FMO2: variants seen among roughly 807,000 people sequenced by gnomAD.
The protein encoded by FMO2 is flavin-containing monooxygenase 2.
Under a neutral mutation model 41.6 loss-of-function variants are expected in FMO2, and 33 were observed. The observed-to-expected ratio is 0.79, with a 90% CI of 0.60 to 1.06. The LOEUF (loss-of-function observed/expected upper bound fraction) is 1.06. Ranked by LOEUF, FMO2 falls within the 50% of genes least tolerant of loss-of-function variation. FMO2 has a pLI of 0.00. For missense variants in FMO2, 619 were observed against 632.9 expected, an observed-to-expected ratio of 0.98 and a Z score of 0.23; for synonymous variants, 214 against 219.6, an observed-to-expected ratio of 0.97 and a Z score of 0.23.
chr1:171,189,450 A>G (rs1328021792), intron 2 of FMO2, among the ~76,000 whole-genome samples: 1 of 152,004 alleles, frequency 6.6e-6, no homozygotes, highest in Non-Finnish European at 1.5e-5. Context: ...AAAGCAGCAG[A>G]AAAAAAGTGG....
Position 171,204,055 on chromosome 1 carries a change from C to G in FMO2, c.818C>G (p.Pro273Arg), listed in dbSNP as rs1010257532. The change falls in exon 6 of 9, where the codon CCT (proline) becomes CGT (arginine). Residue 273 changes from proline (P) to arginine (R), a missense_variant. Physicochemically the swap from Pro to Arg is moderately radical, Grantham distance 103 (BLOSUM62 -2). Transcript: ENST00000209929. ...AACCATGAAAATTATGGCCTTGAGC[C>G]TCAAAACAAGTAGAGTTATTTTGCT... ...WFNHENYGLE[P>R]QNKYIMKEPV... The G allele has an allele frequency of 7.4e-6, 12 of 1,613,158 alleles. No homozygotes were observed. The highest frequency in any genetic ancestry group is 3.3e-4 in the Middle Eastern group (2 of 6,046).
rs1202497752 is a variant in FMO2 at position 171,208,927 on chromosome 1, T to A, written c.1390T>A (p.Tyr464Asn). ...FKDPKLAVRL[Y>N]FGPCNSYQYR... ...AGATCCTAAACTGGCTGTGAGACTC[T>A]ATTTCGGACCCTGCAACTCCTATCA... Residue 464 changes from tyrosine (Y) to asparagine (N), a missense_variant, in exon 9 of 9, where the codon TAT (tyrosine) becomes AAT (asparagine). Tyr to Asn is a moderately radical substitution (Grantham distance 143). Transcript: ENST00000209929. 3.1e-6 allele frequency: 5 copies of A among 1,613,856 alleles called. No homozygotes were observed. The highest frequency in any genetic ancestry group is 3.4e-6 in the Non-Finnish European group (4 of 1,179,892).
intron 2 of FMO2, among the ~76,000 whole-genome samples, chr1:171,192,977 A>G (rs907047581): frequency 1.3e-5 from 2 of 152,166 alleles, no homozygotes; most frequent in Non-Finnish European, 2.9e-5. Context: ...GGGTATATAC[A>G]GCCTCCCCAA....
At chr1:171,186,397 T>C (rs1197763643) in intron 2 of FMO2, 2 of 152,440 alleles carry the variant, frequency 1.3e-5, no homozygotes, top group East Asian at 3.8e-4. Context: ...TATTAGTCCA[T>C]TCTCATGCTG....
rs199536748 is a variant in FMO2, at chr1:171,189,654, C to CTTTTTTTTTTTTTTTTT, written c.133-3677_133-3676insTTTTTTTTTTTTTTTTT. On this transcript the variant is annotated intron_variant, in intron 2 of 8. Transcript: ENST00000209929. ...ACAGAAATCTGAGCCCGTCTTTTTT[C>CTTTTTTTTTTTTTTTTT]TTTTCTTTTTTTTTTTTTTTTTGAG... 3.9e-4 allele frequency among the ~76,000 whole-genome samples: 48 copies of CTTTTTTTTTTTTTTTTT among 122,760 alleles called. 4 individuals carry two copies. Among genetic ancestry groups the CTTTTTTTTTTTTTTTTT allele is most frequent in the East Asian group, 1.3e-3 (5 of 3,948 alleles). 80.5% of individuals were successfully genotyped at this position (122,760 alleles called of 152,430 possible). A position where few individuals can be genotyped will look rare whatever the true frequency, so the allele number is the denominator to read the frequency against.
At chr1:171,186,518 AAG>A (rs1408626475) in intron 2 of FMO2, among the ~76,000 whole-genome samples, 3 of 152,280 alleles carry the variant, frequency 2.0e-5, no homozygotes, top group East Asian at 3.9e-4. Flanking sequence ...GGCAGTGGGA[AAG>A]AGAGGTGCTG....
intron 4 of FMO2, among the ~76,000 whole-genome samples, chr1:171,199,012 C>A (rs114967820): frequency 1.2e-3 from 179 of 152,216 alleles, no homozygotes; most frequent in African/African-American, 4.2e-3. Flanking sequence ...AAGCAATCTT[C>A]CCACCTCAGT....
At chr1:171,207,871 C>A in intron 8 of FMO2, 81 bp downstream of exon 8, 2 of 911,038 alleles carry the variant, frequency 2.2e-6, no homozygotes, top group Non-Finnish European at 3.5e-6. Context: ...AACCACCTAG[C>A]TGCCTGATAA....
intron 4 of FMO2, 51 bp from the exon 5 acceptor site, chr1:171,199,295 T>C: frequency 1.3e-6 from 2 of 1,486,384 alleles, no homozygotes; most frequent in East Asian, 2.4e-5. Flanking sequence ...TGAAATTAGC[T>C]TGACATAGTT....
intron 7 of FMO2, among the ~76,000 whole-genome samples, chr1:171,207,387 T>C (rs1248689250): frequency 1.3e-5 from 2 of 152,184 alleles, no homozygotes; most frequent in African/African-American, 4.8e-5. Flanking sequence ...TCATTCAGAA[T>C]ACTCTTCCAC....
At chr1:171,207,663 C>A (rs1334065656) in intron 7 of FMO2, 55 bp from the exon 8 acceptor site, 12 of 1,151,564 alleles carry the variant, frequency 1.0e-5, no homozygotes, top group Non-Finnish European at 1.6e-5. Flanking sequence ...AACAACTAGA[C>A]AAAGTAATGA....
intron 2 of FMO2, among the ~76,000 whole-genome samples, chr1:171,187,080 A>G (rs1264830118): frequency 6.6e-6 from 1 of 152,274 alleles, no homozygotes; most frequent in Non-Finnish European, 1.5e-5. Context: ...TGAGATGGCC[A>G]GGGCCACACA....
Position 171,205,485 on chromosome 1 carries a change from T to G in FMO2, c.1034T>G (p.Val345Gly). Residue 345 changes from valine (V) to glycine (G), a missense_variant, in exon 7 of 9, where the codon GTA becomes GGA. Transcript: ENST00000209929. ...FPFLEDSLVK[V>G]ENNMVSLYKY... ...TTCCTTGAAGATTCACTCGTTAAAG[T>G]AGAGAATAATATGGTCTCACTGTAT... The G allele has an allele frequency of 6.2e-7, 1 of 1,613,736 alleles. No individual in the cohort carries two copies. Among genetic ancestry groups the G allele is most frequent in the Non-Finnish European group, 8.5e-7 (1 of 1,179,736 alleles).
At chr1:171,190,886 CTG>C (rs1658055644) in intron 2 of FMO2, among the ~76,000 whole-genome samples, 1 of 152,184 alleles carries the variant, frequency 6.6e-6, no homozygotes, top group Non-Finnish European at 1.5e-5. Flanking sequence ...TGGCTCACGC[CTG>C]TAATCCCAGC....
In FMO2 at chr1:171,191,006, A is replaced by G. The variant is rs1658062012; in HGVS notation, c.133-2329A>G. On this transcript the variant is annotated intron_variant, in intron 2 of 8. Transcript: ENST00000209929. ...ACTAAAAATACAAAATTAGCTGGGC[A>G]TGGTGGCGCATACCTGTAATCCCAG... Among the ~76,000 whole-genome samples the G allele has an allele frequency of 1.3e-5, 2 of 152,066 alleles. 1 individual carries two copies. Among genetic ancestry groups the G allele is most frequent in the South Asian group, 4.2e-4 (2 of 4,812 alleles).
At position 171,201,086 on chromosome 1, in the gene FMO2, GA is replaced by G. The variant is rs1658516239; in HGVS notation, c.627+1601del. Among the ~76,000 whole-genome samples the G allele has an allele frequency of 2.0e-5, 3 of 152,244 alleles. No homozygotes were observed. The South Asian group carries it at 6.2e-4, about 32-fold the overall frequency. On this transcript the variant is annotated intron_variant, in intron 5 of 8. Transcript: ENST00000209929. ...CTTATGGTGTGAGATTCAATATTAA[GA>G]AACTACCTTGGCTCTATATGCATGC... is the stretch of plus-strand genomic sequence containing the variant.
chr1:171,203,650 A>G (rs987383555), intron 5 of FMO2, among the ~76,000 whole-genome samples: 10 of 152,138 alleles, frequency 6.6e-5, no homozygotes, highest in South Asian at 2.1e-4. Flanking sequence ...TCGTGTCTCC[A>G]TGAAGTTCTC....
At chr1:171,207,970 G>A (rs1460515428) in intron 8 of FMO2, among the ~76,000 whole-genome samples, 180 bp downstream of exon 8, 1 of 152,102 alleles carries the variant, frequency 6.6e-6, no homozygotes, top group African/African-American at 2.4e-5. Context: ...TTCTTCCTAA[G>A]CGATTCTTAT....
At chr1:171,207,096 T>C (rs7527067) in intron 7 of FMO2, among the ~76,000 whole-genome samples, 22,652 of 152,110 alleles carry the variant, frequency 0.15, 1,751 homozygotes, top group African/African-American at 0.16. Context: ...TACTTGAACA[T>C]GAGATGTCTG....
Sources: allele counts gnomAD v4.1 joint callset (sites outside exome capture counted in the v4.1 genomes callset), GRCh38; gene constraint gnomAD v4.1.1; transcripts MANE v1.5; gene names NCBI Gene and HGNC (gene_info 2026-07-23, HGNC 2026-07-21).